The following LMBR1 variants were observed in gnomAD, a reference collection of about 807,000 sequenced individuals.
LMBR1 encodes the protein limb region 1 protein homolog.
A neutral mutation model predicts 73.9 loss-of-function variants in LMBR1; 52 were observed. The ratio of observed to expected loss-of-function variants is 0.70; its 90% CI spans 0.56 to 0.89. The LOEUF is 0.89. LMBR1 is among the 40% of genes least tolerant of loss of function. The pLI is 0.00. For missense variants in LMBR1, 539 were observed against 579.8 expected (o/e 0.93, Z 0.72); for synonymous variants, 215 against 209.4 (o/e 1.03, Z -0.23).
chr7:156,796,337 G>T, intron 5 of LMBR1, 52 bp downstream of exon 5: 1 of 1,170,510 alleles, frequency 8.5e-7, no homozygotes, highest in Non-Finnish European at 1.2e-6. Flanking sequence ...CAATGTGAAT[G>T]ATATTTAATT....
chr7:156,778,997 T>C (rs73741536), intron 5 of LMBR1, among the ~76,000 whole-genome samples: 4,154 of 152,288 alleles, frequency 0.027, 186 homozygotes, highest in African/African-American at 0.095. Context: ...GAATAACTTA[T>C]TAAAATGCGC....
intron 3 of LMBR1, among the ~76,000 whole-genome samples, chr7:156,831,920 T>C (rs562499061): frequency 3.2e-4 from 49 of 152,316 alleles, no homozygotes; most frequent in African/African-American, 1.1e-3. Context: ...CTAGAGGGTT[T>C]CACATGGAGA....
intron 1 of LMBR1, among the ~76,000 whole-genome samples, chr7:156,841,990 T>C (rs1838787768): frequency 7.1e-6 from 1 of 140,566 alleles, no homozygotes; most frequent in African/African-American, 2.5e-5. Flanking sequence ...GTGGGAGTGA[T>C]ATAAAATGTA....
intron 9 of LMBR1, among the ~76,000 whole-genome samples, chr7:156,740,007 G>C (rs1010563692): frequency 1.3e-5 from 2 of 152,000 alleles, no homozygotes; most frequent in Non-Finnish European, 2.9e-5. Flanking sequence ...AGATAATACA[G>C]AGAAGAAATT....
chr7:156,776,104 T>C (rs1826088522), intron 5 of LMBR1, among the ~76,000 whole-genome samples: 2 of 148,562 alleles, frequency 1.3e-5, no homozygotes, highest in Admixed American at 6.7e-5. Context: ...TTTTTATATA[T>C]GTAAATTATA....
At chr7:156,863,919 G>A (rs552990466) in intron 1 of LMBR1, among the ~76,000 whole-genome samples, 2 of 152,230 alleles carry the variant, frequency 1.3e-5, no homozygotes, top group South Asian at 2.1e-4. Context: ...GGATGCCAAG[G>A]TGGGTGGATC....
At chr7:156,806,840 G>A (rs1170516564) in intron 4 of LMBR1, among the ~76,000 whole-genome samples, 1 of 152,026 alleles carries the variant, frequency 6.6e-6, no homozygotes, top group East Asian at 1.9e-4. Flanking sequence ...TCGAACTCCT[G>A]ACCTCAGGTG....
intron 1 of LMBR1, among the ~76,000 whole-genome samples, chr7:156,853,889 A>T (rs542339757): frequency 6.6e-6 from 1 of 151,388 alleles, no homozygotes; most frequent in Non-Finnish European, 1.5e-5. Context: ...CTCCTACCTC[A>T]GGTGATCCAC....
chr7:156,675,150 C>T (rs977565804), downstream of LMBR1, among the ~76,000 whole-genome samples: 3 of 152,200 alleles, frequency 2.0e-5, no homozygotes, highest in South Asian at 4.1e-4. Context: ...GAAGGGGCAG[C>T]GGAGACCCGA....
intron 4 of LMBR1, chr7:156,822,673 C>G (rs979265613): frequency 6.6e-6 from 1 of 150,648 alleles, no homozygotes; most frequent in African/African-American, 2.4e-5. Context: ...TGGAAAAAAG[C>G]AATTAATATT....
chr7:156,773,497 A>G (rs1032947490), intron 5 of LMBR1, among the ~76,000 whole-genome samples: 1 of 152,224 alleles, frequency 6.6e-6, no homozygotes, highest in Non-Finnish European at 1.5e-5. Context: ...AAACAGACAC[A>G]TAGATCAATG....
chr7:156,797,300 T>C (rs1488399917), intron 4 of LMBR1, among the ~76,000 whole-genome samples: 1 of 152,160 alleles, frequency 6.6e-6, no homozygotes, highest in African/African-American at 2.4e-5. Flanking sequence ...TGGCCCAACA[T>C]GTCAGATCAT....
chr7:156,837,743 A>C (rs1837914460), intron 1 of LMBR1, among the ~76,000 whole-genome samples: 1 of 152,054 alleles, frequency 6.6e-6, no homozygotes, highest in Admixed American at 6.6e-5. Context: ...GTTGAAGAAA[A>C]GACTTCTTTA....
intron 1 of LMBR1, among the ~76,000 whole-genome samples, chr7:156,869,169 T>C (rs990934294): frequency 6.6e-6 from 1 of 152,202 alleles, no homozygotes. Context: ...ATGTCTATTT[T>C]TCCCATCATG....
intron 1 of LMBR1, among the ~76,000 whole-genome samples, chr7:156,874,538 G>A (rs986958320): frequency 1.1e-4 from 16 of 152,344 alleles, no homozygotes; most frequent in Non-Finnish European, 1.8e-4. Context: ...CGAGGGCCCC[G>A]AGGACCGCCA....
chr7:156,850,121 G>C (rs1400617591), intron 1 of LMBR1, among the ~76,000 whole-genome samples: 1 of 152,196 alleles, frequency 6.6e-6, no homozygotes, highest in Non-Finnish European at 1.5e-5. Context: ...CTTCAAAAGT[G>C]ATCAGGTCAT....
At chr7:156,892,707 A>G in intron 1 of LMBR1, 3 of 308,256 alleles carry the variant, frequency 9.7e-6, no homozygotes, top group East Asian at 6.3e-5. Flanking sequence ...GCGGGGGGGC[A>G]GGCAGAGGAA....
At chr7:156,871,528 G>T (rs535766184) in intron 1 of LMBR1, among the ~76,000 whole-genome samples, 2 of 152,274 alleles carry the variant, frequency 1.3e-5, no homozygotes, top group African/African-American at 4.8e-5. Context: ...GAAGAATACA[G>T]ATACGAAAAT....
At chr7:156,750,098 T>C (rs934707706) in intron 9 of LMBR1, among the ~76,000 whole-genome samples, 3 of 152,200 alleles carry the variant, frequency 2.0e-5, no homozygotes, top group African/African-American at 7.2e-5. Flanking sequence ...TCAAAGACTA[T>C]GATATTTTAA....
Sources: gnomAD v4.1 joint callset for allele counts (sites outside exome capture counted in the v4.1 genomes callset) on GRCh38, gnomAD v4.1.1 for gene constraint, MANE v1.5 for transcripts, NCBI Gene and HGNC (gene_info 2026-07-23, HGNC 2026-07-21) for gene names.